Variants in KTN1 observed in about 807,000 individuals in gnomAD.
KTN1 encodes kinectin.
Under a neutral mutation model 222.5 loss-of-function variants are expected in KTN1, and 130 were observed. The observed-to-expected ratio is 0.58, with a 90% CI of 0.51 to 0.68. KTN1 has a LOEUF of 0.68. KTN1 is among the 30% of genes least tolerant of loss of function. KTN1 has a pLI of 0.00. For missense variants in KTN1, 1,508 were observed against 1,500.4 expected, an observed-to-expected ratio of 1.01 and a Z score of -0.08; for synonymous variants, 512 against 496.3, an observed-to-expected ratio of 1.03 and a Z score of -0.42.
chr14:55,608,538 C>CTA (rs2037076125), intron 1 of KTN1, among the ~76,000 whole-genome samples: 1 of 151,592 alleles, frequency 6.6e-6, no homozygotes. Flanking sequence ...GTTTTAATAC[C>CTA]TATACTTTGA....
chr14:55,606,932 A>G (rs1399642190), intron 1 of KTN1, among the ~76,000 whole-genome samples: 1 of 152,174 alleles, frequency 6.6e-6, no homozygotes, highest in African/African-American at 2.4e-5. Flanking sequence ...CTGCATTACA[A>G]TCTTAATTAT....
At chr14:55,613,728 C>A (rs1202239716) in intron 2 of KTN1, among the ~76,000 whole-genome samples, 4 of 152,092 alleles carry the variant, frequency 2.6e-5, no homozygotes, top group African/African-American at 4.8e-5. Flanking sequence ...CTTGGCCTCA[C>A]AAAGTGCTGA....
chr14:55,644,988 TGC>T (rs1350999754), intron 18 of KTN1, among the ~76,000 whole-genome samples: 3 of 152,180 alleles, frequency 2.0e-5, no homozygotes, highest in African/African-American at 7.2e-5. Context: ...ATGCTGAGGT[TGC>T]AGAGATGAAT....
intron 7 of KTN1, among the ~76,000 whole-genome samples, chr14:55,631,341 G>GATAGATATAT (rs1555371424): frequency 1.7e-5 from 2 of 114,718 alleles, no homozygotes; most frequent in East Asian, 5.0e-4. Flanking sequence ...TGATAAGGTT[G>GATAGATATAT]ATATATATAT....
At chr14:55,653,485 C>A in intron 27 of KTN1, 74 bp from the exon 28 acceptor site, 1 of 1,097,156 alleles carries the variant, frequency 9.1e-7, no homozygotes, top group South Asian at 1.5e-5. Context: ...GTGGGTGATT[C>A]CATATATATG....
intron 43 of KTN1, chr14:55,683,288 AAC>A (rs1456529297): frequency 6.6e-6 from 1 of 152,134 alleles, no homozygotes; most frequent in Non-Finnish European, 1.5e-5. Flanking sequence ...TTTTTATTTC[AAC>A]ACATAAAGTT....
chr14:55,610,371 T>C (rs1296196312), intron 1 of KTN1, among the ~76,000 whole-genome samples: 5 of 152,168 alleles, frequency 3.3e-5, no homozygotes, highest in Admixed American at 3.3e-4. Context: ...AAAAAATTCA[T>C]GTGTAAGTGT....
At position 55,641,024 on chromosome 14, in the gene KTN1, T is replaced by G. The variant is rs531028118; in HGVS notation, c.2021+54T>G. On this transcript the variant is annotated intron_variant, in intron 16 of 43. Coordinates refer to ENST00000395314, the MANE Select transcript of KTN1 (RefSeq NM_001079521.2). ...TCATACATTTATGTTTAATTATAAT[T>G]GTTGCAGAAAATATTGCTGCTTATA... 2.0e-4 allele frequency: 312 copies of G among 1,528,488 alleles called. 1 individual carries two copies. The South Asian group carries it at 3.3e-3, about 16-fold the overall frequency. The allele number at this position is 1,528,488 out of a possible 1,614,324, so 94.7% of individuals were successfully genotyped here. A position where few individuals can be genotyped will look rare whatever the true frequency, so the allele number is the denominator to read the frequency against.
rs2038521038 is a variant in KTN1 at position 55,617,249 on chromosome 14, TAAAAG to T, written c.661+598_661+602del. 2.0e-5 allele frequency among the ~76,000 whole-genome samples: 3 copies of T among 152,268 alleles called. 1 individual carries two copies. Among genetic ancestry groups the T allele is most frequent in the African/African-American group, 7.2e-5 (3 of 41,566 alleles). On this transcript the variant is annotated intron_variant, in intron 3 of 43. Transcript: ENST00000395314. ...AAATTAAATGTTAAACAATTTTAAA[TAAAAG>T]AAGAGACATATATAAGTAAAGAAGC... is the stretch of plus-strand genomic sequence containing the variant.
At chr14:55,683,487 C>CA (rs2046539450) in intron 43 of KTN1, 1 of 151,994 alleles carries the variant, frequency 6.6e-6, no homozygotes, top group Non-Finnish European at 1.5e-5. Flanking sequence ...TTATTACAAC[C>CA]AAAAAGACAA....
At chr14:55,605,678 C>T (rs1269106343) in intron 1 of KTN1, among the ~76,000 whole-genome samples, 1 of 152,152 alleles carries the variant, frequency 6.6e-6, no homozygotes, top group Non-Finnish European at 1.5e-5. Context: ...AAGACTCTTG[C>T]CTTCCATTTT....
chr14:55,667,209 G>A (rs774141667), intron 33 of KTN1, 32 bp from the exon 34 acceptor site: 4 of 1,243,628 alleles, frequency 3.2e-6, no homozygotes, highest in Middle Eastern at 1.9e-4. Flanking sequence ...CTGTGATCTT[G>A]TAAGTTTGAT....
chr14:55,661,553 C>A lies in KTN1; in HGVS notation c.3031C>A (p.Leu1011Ile). 6.2e-7 allele frequency: 1 copy of A among 1,602,372 alleles called. No individual in the cohort carries two copies. The highest frequency in any genetic ancestry group is 2.2e-5 in the East Asian group (1 of 44,620). ...ISEREKEISG[L>I]WNELDSLKDA... The stretch of plus-strand genomic sequence containing the variant: ...AGAAAGAGAGAAAGAAATAAGTGGT[C>A]TCTGGAATGAGTTAGATTCTTTGAA... Residue 1011 changes from leucine to isoleucine, a missense_variant, in exon 32 of 44, where the codon CTC becomes ATC. By Grantham distance (5) the Leu-to-Ile change is conservative. Coordinates refer to ENST00000395314, the MANE Select transcript of KTN1 (RefSeq NM_001079521.2).
intron 25 of KTN1, among the ~76,000 whole-genome samples, chr14:55,652,635 G>A (rs2043051642): frequency 6.6e-6 from 1 of 152,144 alleles, no homozygotes; most frequent in Non-Finnish European, 1.5e-5. Context: ...TCCTGACCTT[G>A]TGATCCGCCC....
intron 5 of KTN1, among the ~76,000 whole-genome samples, chr14:55,622,666 A>G (rs1426272922): frequency 6.6e-6 from 1 of 152,134 alleles, no homozygotes; most frequent in African/African-American, 2.4e-5. Flanking sequence ...TTTTTCTTAT[A>G]CTAGTCTAGA....
At chr14:55,651,588 T>G (rs1267706402) in intron 24 of KTN1, 1 of 376,028 alleles carries the variant, frequency 2.7e-6, no homozygotes, top group East Asian at 5.7e-5. Flanking sequence ...CAGTTACAGA[T>G]TTCTTTATTC....
intron 32 of KTN1, among the ~76,000 whole-genome samples, chr14:55,662,401 C>T (rs1429910577): frequency 6.6e-6 from 1 of 152,006 alleles, no homozygotes; most frequent in Non-Finnish European, 1.5e-5. Flanking sequence ...AGAGGTGGTT[C>T]AAATTTTGGT....
At chr14:55,581,889 G>A (rs969194667) in intron 1 of KTN1, among the ~76,000 whole-genome samples, 7 of 151,450 alleles carry the variant, frequency 4.6e-5, no homozygotes, top group Non-Finnish European at 8.8e-5. Context: ...TGATAAAAAA[G>A]GCTCTTTTTT....
chr14:55,603,794 C>T (rs2036329022), intron 1 of KTN1, among the ~76,000 whole-genome samples: 1 of 152,198 alleles, frequency 6.6e-6, no homozygotes, highest in Admixed American at 6.5e-5. Context: ...TATCTCCAGC[C>T]TTAACCATGT....
Sources: gnomAD v4.1 joint callset for allele counts (sites outside exome capture counted in the v4.1 genomes callset) on GRCh38, gnomAD v4.1.1 for gene constraint, MANE v1.5 for transcripts, NCBI Gene and HGNC (gene_info 2026-07-23, HGNC 2026-07-21) for gene names.